RNF24: variants seen among roughly 807,000 people sequenced by gnomAD.
RNF24 encodes the protein ring finger protein 24.
In RNF24, 14 loss-of-function variants were observed where a neutral mutation model predicts 20.0. That is an observed-to-expected ratio of 0.70 (90% CI 0.46 to 1.10). The LOEUF (loss-of-function observed/expected upper bound fraction) is 1.10, where lower values mean the gene tolerates loss of function less well. Ranked by LOEUF, RNF24 falls within the 50% of genes least tolerant of loss-of-function variation. RNF24 has a pLI of 0.00. For synonymous variants in RNF24, 45 were observed against 61.1 expected, an observed-to-expected ratio of 0.74 and a Z score of 1.23; for missense variants, 124 against 177.6, an observed-to-expected ratio of 0.70 and a Z score of 1.71.
Position 3,982,550 on chromosome 20 carries a change from G to A in RNF24, c.-7-18526C>T, listed in dbSNP as rs1236705238. 4.4e-5 allele frequency among the ~76,000 whole-genome samples: 6 copies of A among 137,348 alleles called. No individual in the cohort carries two copies. The East Asian group carries it at 1.1e-3, about 25-fold the overall frequency. The allele number at this position is 137,348 out of a possible 152,430, so 90.1% of individuals were successfully genotyped here. ...CGAGATCGTGCCATTTTGCACTCTA[G>A]CCTAGGCAACAGGGTGAGACTCTGT... is the stretch of plus-strand genomic sequence containing the variant. On this transcript the variant is annotated intron_variant, in intron 1 of 5. Transcript: ENST00000358395.
At chr20:4,014,749 ACACAC>A (rs757495911) in intron 1 of RNF24, among the ~76,000 whole-genome samples, 7 of 151,102 alleles carry the variant, frequency 4.6e-5, no homozygotes, top group Admixed American at 3.9e-4. Flanking sequence ...GCACACACAC[ACACAC>A]ACACACACAC....
At chr20:3,991,940 GCACACACA>G (rs113511343) in intron 1 of RNF24, among the ~76,000 whole-genome samples, 3 of 147,900 alleles carry the variant, frequency 2.0e-5, no homozygotes, top group South Asian at 2.1e-4. Context: ...ACACACACAC[GCACACACA>G]CACACACACA....
intron 1 of RNF24, chr20:3,974,454 G>A: frequency 6.9e-7 from 1 of 1,442,456 alleles, no homozygotes; most frequent in Non-Finnish European, 9.2e-7. Flanking sequence ...CATCAGAAAG[G>A]AAGAAATTAA....
In RNF24 at chr20:3,932,640, T is replaced by C; in HGVS notation, c.*1423A>G. 1 of 322,346 alleles carries C rather than the reference T, an allele frequency of 3.1e-6. No individual in the cohort carries two copies. Among genetic ancestry groups the C allele is most frequent in the Non-Finnish European group, 5.6e-6 (1 of 178,674 alleles). 20.0% of individuals were successfully genotyped at this position (322,346 alleles called of 1,614,324 possible). ...CATCCATTCTCCATGTCACGCAGAC[T>C]GTATTCCTAATGAAAAACTTCCCCC... is the stretch of plus-strand genomic sequence containing the variant. On this transcript the variant is annotated 3_prime_UTR_variant, in exon 6 of 6. Coordinates refer to ENST00000358395, the MANE Select transcript of RNF24 (RefSeq NM_001134337.3).
At chr20:3,988,153 T>G (rs1252395123) in intron 1 of RNF24, among the ~76,000 whole-genome samples, 1 of 151,826 alleles carries the variant, frequency 6.6e-6, no homozygotes, top group Non-Finnish European at 1.5e-5. Flanking sequence ...CAAGACTCCG[T>G]CTCTACAAAA....
At chr20:3,980,252 T>C (rs940698948) in intron 1 of RNF24, among the ~76,000 whole-genome samples, 5 of 152,202 alleles carry the variant, frequency 3.3e-5, no homozygotes, top group African/African-American at 1.2e-4. Flanking sequence ...TAAACTTGCA[T>C]AGATAAGTAG....
At chr20:3,941,204 G>A (rs1211725992) in intron 4 of RNF24, among the ~76,000 whole-genome samples, 1 of 152,098 alleles carries the variant, frequency 6.6e-6, no homozygotes, top group African/African-American at 2.4e-5. Context: ...TGTATTTTTT[G>A]TAGAAATGGG....
In RNF24 at chr20:3,961,463, T is replaced by C. The variant is rs117168033; in HGVS notation, c.143+2412A>G. Reference sequence around the variant, plus strand: ...TATCATTATTTTTTCATTATCACTTTACTTATTTGCTTGATTATTAAAAGG... The same window carrying C: ...TATCATTATTTTTTCATTATCACTTCACTTATTTGCTTGATTATTAAAAGG... On this transcript the variant is annotated intron_variant, in intron 2 of 5. Transcript: ENST00000358395. Among the ~76,000 whole-genome samples the C allele has an allele frequency of 1.6e-4, 24 of 152,150 alleles. No individual in the cohort carries two copies. The East Asian group carries it at 4.6e-3, about 29-fold the overall frequency.
At chr20:3,994,523 A>C (rs952222774) in intron 1 of RNF24, among the ~76,000 whole-genome samples, 3 of 152,228 alleles carry the variant, frequency 2.0e-5, no homozygotes, top group African/African-American at 7.2e-5. Context: ...TAATAACTAA[A>C]TTCAAGTATA....
At chr20:3,988,931 A>T (rs1408826333) in intron 1 of RNF24, among the ~76,000 whole-genome samples, 1 of 152,218 alleles carries the variant, frequency 6.6e-6, no homozygotes, top group African/African-American at 2.4e-5. Flanking sequence ...CAAAAAGAAT[A>T]CTTACTAATA....
chr20:3,996,917 C>T (rs181046653), intron 1 of RNF24, among the ~76,000 whole-genome samples: 25 of 152,238 alleles, frequency 1.6e-4, no homozygotes, highest in Non-Finnish European at 3.4e-4. Flanking sequence ...CCAACTTTTA[C>T]ATGAATAAGA....
At position 4,008,329 on chromosome 20, in the gene RNF24, A is replaced by G. The variant is rs1256939995; in HGVS notation, c.-8+7108T>C. 7.7e-5 allele frequency among the ~76,000 whole-genome samples: 7 copies of G among 91,162 alleles called. No individual in the cohort carries two copies. The South Asian group carries it at 7.9e-4, about 10-fold the overall frequency. 59.8% of individuals were successfully genotyped at this position (91,162 alleles called of 152,430 possible). On this transcript the variant is annotated intron_variant, in intron 1 of 5. Transcript: ENST00000358395. Reference sequence around the variant, plus strand: ...GCAAATATATATATATATTATATATATAATATATATATTATACATGTAATA... The same window carrying G: ...GCAAATATATATATATATTATATATGTAATATATATATTATACATGTAATA...
chr20:3,938,496 G>GA (rs2090918647), intron 4 of RNF24, among the ~76,000 whole-genome samples: 2 of 151,978 alleles, frequency 1.3e-5, no homozygotes, highest in South Asian at 4.1e-4. Flanking sequence ...GAAACCAAAG[G>GA]AAAAAATGGA....
chr20:3,998,168 T>C (rs180756246), intron 1 of RNF24, among the ~76,000 whole-genome samples: 60 of 152,330 alleles, frequency 3.9e-4, no homozygotes, highest in African/African-American at 1.2e-3. Context: ...TGGCCAGGCG[T>C]GGTGGCTCAG....
At chr20:3,985,697 T>C (rs1316477777) in intron 1 of RNF24, among the ~76,000 whole-genome samples, 1 of 149,150 alleles carries the variant, frequency 6.7e-6, no homozygotes, top group Non-Finnish European at 1.5e-5. Context: ...ATATTCCTAG[T>C]AATTTTTTTT....
intron 1 of RNF24, among the ~76,000 whole-genome samples, chr20:4,003,943 C>T (rs1445726017): frequency 1.3e-5 from 2 of 152,114 alleles, no homozygotes; most frequent in Admixed American, 6.6e-5. Context: ...CCACGCCTGG[C>T]CAGAAACTCT....
intron 2 of RNF24, among the ~76,000 whole-genome samples, chr20:3,956,878 G>A (rs1168159412): frequency 6.6e-6 from 1 of 152,134 alleles, no homozygotes; most frequent in Non-Finnish European, 1.5e-5. Context: ...GAAATAAAAT[G>A]GACCGGGCAT....
At chr20:4,007,732 T>C (rs1040749920) in intron 1 of RNF24, among the ~76,000 whole-genome samples, 8 of 131,536 alleles carry the variant, frequency 6.1e-5, no homozygotes, top group Non-Finnish European at 1.3e-4. Flanking sequence ...TGAGACCCTG[T>C]CTCTACAAAA....
At chr20:3,968,725 G>A (rs1382915489) in intron 1 of RNF24, among the ~76,000 whole-genome samples, 1 of 152,058 alleles carries the variant, frequency 6.6e-6, no homozygotes, top group African/African-American at 2.4e-5. Context: ...TTGAGTGGGT[G>A]GATGAGAGGA....
Sources: gnomAD v4.1 joint callset for allele counts (sites outside exome capture counted in the v4.1 genomes callset) on GRCh38, gnomAD v4.1.1 for gene constraint, MANE v1.5 for transcripts, NCBI Gene and HGNC (gene_info 2026-07-23, HGNC 2026-07-21) for gene names.